Variants in TTC6 observed in about 807,000 individuals in gnomAD.
The protein encoded by TTC6 is tetratricopeptide repeat protein 6.
In TTC6, 172 loss-of-function variants were observed where a neutral mutation model predicts 210.4. The observed-to-expected ratio is 0.82, with a 90% confidence interval of 0.72 to 0.93. The LOEUF (loss-of-function observed/expected upper bound fraction) is 0.93. Among genes scored for constraint, TTC6 ranks in the 40% least tolerant of loss-of-function variants. TTC6 has a pLI of 0.00. For synonymous variants in TTC6, 804 were observed against 819.6 expected, an observed-to-expected ratio of 0.98 and a Z score of 0.32; for missense variants, 2,414 against 2,318.1, an observed-to-expected ratio of 1.04 and a Z score of -0.85.
rs76317190 is a variant in TTC6 at position 37,651,692 on chromosome 14, C to T, written c.940-28459C>T. The stretch of plus-strand genomic sequence containing the variant: ...TCCCAGCTACTTGGGAGGCTTGAGG[C>T]GGGCGGATGCTTGAGGCCAGGAGTT... On this transcript the variant is annotated intron_variant, in intron 1 of 30. Transcript: ENST00000553443. Among the ~76,000 whole-genome samples, 90 of 151,546 alleles carry T rather than the reference C, an allele frequency of 5.9e-4. 1 individual carries two copies. The East Asian group carries it at 0.013, about 22-fold the overall frequency.
chr14:37,842,258 A>C (rs770305123), exon 31 of TTC6: 7 of 1,607,294 alleles, frequency 4.4e-6, no homozygotes, highest in Non-Finnish European at 5.1e-6. Context: ...ATAACCAAGC[A>C]CTTGATCTTG....
chr14:37,796,022 CA>C (rs1430987102), intron 18 of TTC6, among the ~76,000 whole-genome samples: 1 of 152,020 alleles, frequency 6.6e-6, no homozygotes, highest in African/African-American at 2.4e-5. Flanking sequence ...AATTTCTCAG[CA>C]AAAAGTATAA....
At chr14:37,833,749 AC>A (rs1453248949) in intron 29 of TTC6, among the ~76,000 whole-genome samples, 5 of 151,832 alleles carry the variant, frequency 3.3e-5, no homozygotes, top group Non-Finnish European at 7.4e-5. Flanking sequence ...GATTCCTTTC[AC>A]CTTCTCCTTT....
chr14:37,743,369 A>G (rs1192068425), intron 10 of TTC6, among the ~76,000 whole-genome samples: 1 of 152,286 alleles, frequency 6.6e-6, no homozygotes, highest in East Asian at 1.9e-4. Flanking sequence ...TTTCCTTTTT[A>G]CATCCTTCTA....
At chr14:37,638,917 C>T (rs553771956) in intron 1 of TTC6, among the ~76,000 whole-genome samples, 3 of 152,002 alleles carry the variant, frequency 2.0e-5, no homozygotes. Flanking sequence ...TCTTTAAACC[C>T]CCAACTCCCC....
At chr14:37,749,968 T>A (rs951004632) in intron 12 of TTC6, 125 bp downstream of exon 14, 3 of 589,370 alleles carry the variant, frequency 5.1e-6, no homozygotes, top group Non-Finnish European at 7.2e-6. Context: ...CTCAGTTAAA[T>A]TTTTTTACTC....
intron 2 of TTC6, among the ~76,000 whole-genome samples, chr14:37,607,747 G>A (rs1423302347): frequency 6.6e-6 from 1 of 151,342 alleles, no homozygotes; most frequent in Non-Finnish European, 1.5e-5. Flanking sequence ...TCCCACCTCA[G>A]CCCCAAGGTA....
At chr14:37,837,528 G>T in intron 29 of TTC6, 1 of 411,862 alleles carries the variant, frequency 2.4e-6, no homozygotes, top group Non-Finnish European at 4.8e-6. Context: ...AAAGTTCATG[G>T]AGTATTGCCT....
chr14:37,763,894 G>A (rs545710923), intron 14 of TTC6, among the ~76,000 whole-genome samples: 35 of 151,624 alleles, frequency 2.3e-4, no homozygotes, highest in Admixed American at 2.6e-4. Flanking sequence ...AGAAAGTAAC[G>A]TTACTGGCTT....
intron 12 of TTC6, 82 bp from the exon 15 acceptor site, chr14:37,750,971 G>A (rs780408192): frequency 1.3e-5 from 10 of 771,040 alleles, no homozygotes; most frequent in Non-Finnish European, 1.9e-5. Context: ...CTACATTTGT[G>A]GAGGGAGAGG....
intron 10 of TTC6, among the ~76,000 whole-genome samples, chr14:37,747,326 G>T (rs2095939040): frequency 6.6e-6 from 1 of 152,100 alleles, no homozygotes; most frequent in Non-Finnish European, 1.5e-5. Context: ...ACACCACTCA[G>T]CTTAGGATAA....
At chr14:37,841,492 A>T (rs1261910184) in exon 30 of TTC6, 1 of 1,594,770 alleles carries the variant, frequency 6.3e-7, no homozygotes, top group Non-Finnish European at 8.5e-7. Context: ...CAGAAAATGA[A>T]TATGTTCTCA....
chr14:37,745,119 A>C (rs12434817), intron 10 of TTC6, among the ~76,000 whole-genome samples: 87,871 of 151,792 alleles, frequency 0.58, 26,295 homozygotes, highest in East Asian at 0.89. Context: ...ATATAAATGT[A>C]AACTTCATCA....
chr14:37,818,781 T>C (rs1273443544), intron 26 of TTC6, among the ~76,000 whole-genome samples: 1 of 152,202 alleles, frequency 6.6e-6, no homozygotes, highest in Admixed American at 6.5e-5. Flanking sequence ...CCATTGTCTA[T>C]TTTAATCCAG....
intron 15 of TTC6, 53 bp downstream of exon 17, chr14:37,787,690 C>T (rs2096071020): frequency 1.5e-6 from 2 of 1,354,248 alleles, no homozygotes; most frequent in Non-Finnish European, 1.9e-6. Flanking sequence ...GATTCAACAG[C>T]TCAGTTTCAT....
chr14:37,639,596 T>A (rs1244616810), intron 1 of TTC6, among the ~76,000 whole-genome samples: 2 of 151,312 alleles, frequency 1.3e-5, no homozygotes, highest in Non-Finnish European at 2.9e-5. Context: ...AGTGACTGGG[T>A]GCGGTGGCTC....
chr14:37,617,820 T>C (rs1205295338), upstream of TTC6, among the ~76,000 whole-genome samples: 1 of 152,248 alleles, frequency 6.6e-6, no homozygotes, highest in Non-Finnish European at 1.5e-5. Flanking sequence ...CATTGGAAAT[T>C]GACATTGGCC....
rs551647896 is a variant in TTC6, at chr14:37,777,225, A to C, written c.3267-10243A>C. Among the ~76,000 whole-genome samples, 78 of 152,350 alleles carry C rather than the reference A, an allele frequency of 5.1e-4. 1 individual carries two copies. The highest frequency in any genetic ancestry group is 1.8e-3 in the African/African-American group (75 of 41,568). The stretch of plus-strand genomic sequence containing the variant: ...TCCTTGATTTCTCTCCCTTTCTTTC[A>C]GGAATGCCAATGAATCATAGATTTG... On this transcript the variant is annotated intron_variant, in intron 14 of 30. Transcript: ENST00000553443.
exon 31 of TTC6, chr14:37,842,288 A>G: frequency 1.3e-6 from 2 of 1,599,240 alleles, no homozygotes; most frequent in Non-Finnish European, 1.7e-6. Context: ...CCTCAGTTAT[A>G]TGATTACATA....
Sources: allele counts gnomAD v4.1 joint callset (sites outside exome capture counted in the v4.1 genomes callset), GRCh38; gene constraint gnomAD v4.1.1; transcripts MANE v1.5; gene names NCBI Gene and HGNC (gene_info 2026-07-23, HGNC 2026-07-21).